The following CFAP44 variants were observed in gnomAD, a reference collection of about 807,000 sequenced individuals.
The protein encoded by CFAP44 is cilia- and flagella-associated protein 44.
CFAP44 carries 134 observed loss-of-function variants against 216.2 expected under a neutral mutation model. That is an observed-to-expected ratio of 0.62 (90% confidence interval 0.54 to 0.72). The LOEUF is 0.72. CFAP44 is among the 30% of genes least tolerant of loss of function. The pLI is 0.00. For missense variants in CFAP44, 2,035 were observed against 2,182.1 expected (o/e 0.93, Z 1.34); for synonymous variants, 700 against 727.6 (o/e 0.96, Z 0.61).
chr3:113,399,499 G>C (rs953929406), intron 13 of CFAP44, among the ~76,000 whole-genome samples: 9 of 144,306 alleles, frequency 6.2e-5, no homozygotes, highest in Admixed American at 4.8e-4. Flanking sequence ...TAAAGCGTAA[G>C]GTCCATGAGG....
chr3:113,328,713 A>AAAC (rs1559912992), intron 26 of CFAP44, among the ~76,000 whole-genome samples: 3 of 149,354 alleles, frequency 2.0e-5, no homozygotes, highest in Non-Finnish European at 1.5e-5. Context: ...AAAAAAAAAA[A>AAAC]AAAAAAAAAA....
chr3:113,313,739 T>G (rs1222735708), intron 28 of CFAP44, among the ~76,000 whole-genome samples: 1 of 152,208 alleles, frequency 6.6e-6, no homozygotes, highest in Non-Finnish European at 1.5e-5. Context: ...TTTCCACTTT[T>G]GCATCTTTCT....
At chr3:113,387,254 G>GCACAGCT (rs1249415550) in intron 15 of CFAP44, among the ~76,000 whole-genome samples, 1 of 152,162 alleles carries the variant, frequency 6.6e-6, no homozygotes, top group African/African-American at 2.4e-5. Flanking sequence ...ACCCCAGGCA[G>GCACAGCT]CACAGCTCGC....
intron 2 of CFAP44, among the ~76,000 whole-genome samples, chr3:113,430,428 T>TG (rs141968810): frequency 2.5e-5 from 1 of 40,216 alleles, no homozygotes; most frequent in African/African-American, 1.1e-4. Flanking sequence ...GAAAAATAAA[T>TG]GAAAAAAAAA....
At chr3:113,312,090 T>C (rs2107797735) in intron 28 of CFAP44, among the ~76,000 whole-genome samples, 1 of 149,768 alleles carries the variant, frequency 6.7e-6, no homozygotes, top group South Asian at 2.1e-4. Flanking sequence ...TTTTTTTTTT[T>C]TGAGACCAAG....
chr3:113,393,943 C>T (rs1222620434), intron 15 of CFAP44, among the ~76,000 whole-genome samples: 2 of 152,162 alleles, frequency 1.3e-5, no homozygotes, highest in South Asian at 2.1e-4. Context: ...CCATGCTTCT[C>T]GTATAGCCTG....
Position 113,291,816 on chromosome 3 carries a change from T to C in CFAP44, c.5374-68A>G, listed in dbSNP as rs140435028. 325 of 1,488,546 alleles carry C rather than the reference T, an allele frequency of 2.2e-4. 5 individuals are homozygous for C. The East Asian group carries it at 7.7e-3, about 35-fold the overall frequency. The allele number at this position is 1,488,546 out of a possible 1,614,324, so 92.2% of individuals were successfully genotyped here. A position where few individuals can be genotyped will look rare whatever the true frequency, so the allele number is the denominator to read the frequency against. On this transcript the variant is annotated intron_variant, in intron 34 of 34. Coordinates refer to ENST00000393845, the MANE Select transcript of CFAP44 (RefSeq NM_001164496.2). ...TGTGAAAAACTCCATGCCCTTATACTGTGTATCTGTGATGAGTGCTGGCCT... is the reference window on the plus strand; with the variant it reads ...TGTGAAAAACTCCATGCCCTTATACCGTGTATCTGTGATGAGTGCTGGCCT...
At chr3:113,357,702 G>A (rs1157866738) in intron 22 of CFAP44, among the ~76,000 whole-genome samples, 1 of 152,096 alleles carries the variant, frequency 6.6e-6, no homozygotes, top group Non-Finnish European at 1.5e-5. Context: ...AACACAGTGG[G>A]GATCAATTGG....
At chr3:113,356,794 A>G (rs1950495772) in intron 22 of CFAP44, among the ~76,000 whole-genome samples, 1 of 152,204 alleles carries the variant, frequency 6.6e-6, no homozygotes, top group South Asian at 2.1e-4. Flanking sequence ...CTTTAAAAAA[A>G]GACTAATAAG....
At chr3:113,437,303 A>G (rs1428460269) in intron 1 of CFAP44, among the ~76,000 whole-genome samples, 1 of 152,188 alleles carries the variant, frequency 6.6e-6, no homozygotes, top group East Asian at 1.9e-4. Context: ...TTATTTTAAC[A>G]TACTATAACT....
intron 13 of CFAP44, among the ~76,000 whole-genome samples, chr3:113,398,085 C>A (rs1934039466): frequency 6.6e-6 from 1 of 152,172 alleles, no homozygotes; most frequent in Non-Finnish European, 1.5e-5. Context: ...CACCATTCAA[C>A]TTCAGTTGAA....
intron 8 of CFAP44, 136 bp downstream of exon 8, chr3:113,406,791 A>C (rs1934295559): frequency 1.7e-6 from 1 of 576,266 alleles, no homozygotes; most frequent in Admixed American, 3.3e-5. Flanking sequence ...TAATTGAAGA[A>C]GTAAAATTAA....
At chr3:113,359,768 G>C (rs946783433) in intron 21 of CFAP44, among the ~76,000 whole-genome samples, 2 of 151,848 alleles carry the variant, frequency 1.3e-5, no homozygotes, top group Non-Finnish European at 2.9e-5. Context: ...TTTAGGAAGA[G>C]GTACAAAATG....
At chr3:113,347,207 CAACCCCCGACTCTGG>C (rs762827037) in intron 22 of CFAP44, among the ~76,000 whole-genome samples, 3 of 152,192 alleles carry the variant, frequency 2.0e-5, no homozygotes, top group Non-Finnish European at 2.9e-5. Flanking sequence ...GGCTCTCTAA[CAACCCCCGACTCTGG>C]AGTTGGGAGC....
chr3:113,374,394 T>TA (rs1452545055), intron 17 of CFAP44, among the ~76,000 whole-genome samples: 1 of 148,902 alleles, frequency 6.7e-6, no homozygotes, highest in Non-Finnish European at 1.5e-5. Context: ...TTTATTTATT[T>TA]ATTTATTATT....
rs755015228 is a variant in CFAP44, at chr3:113,366,215, C to A, written c.2539G>T (p.Asp847Tyr). Residue 847 changes from aspartate to tyrosine, a missense_variant, in exon 19 of 35, where the codon GAC becomes TAC. By Grantham distance (160) the Asp-to-Tyr change is radical (BLOSUM62 -3). This residue lies in a region of CFAP44 where 1,883 missense variants were observed against 2,023.7 expected (regional missense o/e 0.93). Coordinates refer to ENST00000393845, the MANE Select transcript of CFAP44 (RefSeq NM_001164496.2). ...TCATGCATATTGAAGTGCCAGTAGT[C>A]CACCAAACTGGTCAATGAAGGATCA... ...QNDPSLTSLV[D>Y]YWHFNMHDNN... The A allele has an allele frequency of 2.5e-6, 4 of 1,614,000 alleles. No homozygotes were observed. The highest frequency in any genetic ancestry group is 3.4e-6 in the Non-Finnish European group (4 of 1,179,976).
chr3:113,374,399 A>AT (rs137984476), intron 17 of CFAP44, among the ~76,000 whole-genome samples: 3,881 of 146,432 alleles, frequency 0.027, 85 homozygotes, highest in East Asian at 0.093. Context: ...TTATTTATTT[A>AT]TTATTATACT....
intron 13 of CFAP44, among the ~76,000 whole-genome samples, chr3:113,399,573 C>G (rs917271663): frequency 6.6e-6 from 1 of 152,122 alleles, no homozygotes; most frequent in Non-Finnish European, 1.5e-5. Flanking sequence ...AGGCCTGGCA[C>G]ATTGTCGGCA....
intron 11 of CFAP44, 56 bp downstream of exon 11, chr3:113,401,180 CAAAT>C: frequency 6.8e-7 from 1 of 1,461,910 alleles, no homozygotes; most frequent in Non-Finnish European, 9.3e-7. Flanking sequence ...ACTTTAAAGA[CAAAT>C]AACAAAAGTT....
Sources: gnomAD v4.1 joint callset for allele counts (sites outside exome capture counted in the v4.1 genomes callset) on GRCh38, gnomAD v4.1.1 for gene constraint, gnomAD v4.1.1 regional missense constraint, MANE v1.5 for transcripts, NCBI Gene and HGNC (gene_info 2026-07-23, HGNC 2026-07-21) for gene names.